The following ALDH1A2 variants were observed in gnomAD, a reference collection of about 807,000 sequenced individuals.
The protein encoded by ALDH1A2 is retinal dehydrogenase 2.
ALDH1A2 carries 27 observed loss-of-function variants against 60.3 expected under a neutral mutation model. That is an observed-to-expected ratio of 0.45 (90% CI 0.33 to 0.62). The LOEUF (loss-of-function observed/expected upper bound fraction) is 0.62. Among genes scored for constraint, ALDH1A2 ranks in the 20% least tolerant of loss-of-function variants. The probability of loss-of-function intolerance (pLI) is 0.02; values close to 1 mark genes in which losing one functional copy is unlikely to be tolerated. For missense variants in ALDH1A2, 581 were observed against 643.8 expected (o/e 0.90, Z 1.06); for synonymous variants, 289 against 232.4 (o/e 1.24, Z -2.21).
intron 7 of ALDH1A2, among the ~76,000 whole-genome samples, chr15:57,979,486 A>C (rs1894403015): frequency 1.3e-5 from 2 of 151,836 alleles, no homozygotes; most frequent in Admixed American, 1.3e-4. Context: ...CTCACCATAC[A>C]CATATTGGGA....
intron 1 of ALDH1A2, among the ~76,000 whole-genome samples, chr15:58,056,708 A>T (rs1384319111): frequency 1.3e-5 from 2 of 152,184 alleles, no homozygotes; most frequent in Non-Finnish European, 2.9e-5. Context: ...ACAAATCAGT[A>T]AATACACAAC....
intron 4 of ALDH1A2, among the ~76,000 whole-genome samples, chr15:58,010,288 A>G (rs1229622391): frequency 6.6e-6 from 1 of 152,114 alleles, no homozygotes; most frequent in Admixed American, 6.6e-5. Flanking sequence ...GAGGGCAAGG[A>G]GCAAGTCTTA....
At chr15:58,050,561 C>T (rs1242175721) in intron 1 of ALDH1A2, among the ~76,000 whole-genome samples, 2 of 152,038 alleles carry the variant, frequency 1.3e-5, no homozygotes, top group Admixed American at 6.6e-5. Flanking sequence ...TGTATGTGTT[C>T]CAAGAATGGT....
intron 1 of ALDH1A2, among the ~76,000 whole-genome samples, chr15:58,027,114 C>T (rs1433995825): frequency 9.9e-5 from 15 of 152,168 alleles, no homozygotes; most frequent in Non-Finnish European, 4.4e-5. Context: ...GACTGGGAGA[C>T]CCTCCCAGTA....
chr15:57,984,732 T>C (rs1894639170), intron 7 of ALDH1A2, among the ~76,000 whole-genome samples: 1 of 152,234 alleles, frequency 6.6e-6, no homozygotes. Flanking sequence ...ATTGTATGGA[T>C]AGACCACTTT....
At chr15:57,996,784 C>CT (rs1566942838) in intron 4 of ALDH1A2, among the ~76,000 whole-genome samples, 3 of 152,118 alleles carry the variant, frequency 2.0e-5, no homozygotes, top group South Asian at 2.1e-4. Flanking sequence ...ATTTCAACAA[C>CT]ACGCTATTTT....
chr15:58,022,773 T>C (rs1443503362), intron 1 of ALDH1A2, among the ~76,000 whole-genome samples: 1 of 152,050 alleles, frequency 6.6e-6, no homozygotes, highest in Non-Finnish European at 1.5e-5. Flanking sequence ...AAAGAAATCA[T>C]ATAGAGACTA....
At chr15:57,986,222 A>T (rs924275807) in intron 7 of ALDH1A2, among the ~76,000 whole-genome samples, 3 of 152,164 alleles carry the variant, frequency 2.0e-5, no homozygotes, top group Non-Finnish European at 2.9e-5. Flanking sequence ...GAATCTAGAG[A>T]AAAGGAAATC....
chr15:57,975,135 C>G (rs1441817), intron 7 of ALDH1A2, among the ~76,000 whole-genome samples: 126,950 of 152,246 alleles, frequency 0.83, 55,889 homozygotes, highest in East Asian at 1. Context: ...ATGGTATAAC[C>G]GATTTGGAAA....
At chr15:58,048,232 T>C (rs1354664703) in intron 1 of ALDH1A2, among the ~76,000 whole-genome samples, 2 of 152,088 alleles carry the variant, frequency 1.3e-5, no homozygotes, top group Non-Finnish European at 2.9e-5. Flanking sequence ...TAGAAAGTGA[T>C]TGTGCCAGAG....
At chr15:57,955,706 A>G (rs1893499391) in intron 12 of ALDH1A2, among the ~76,000 whole-genome samples, 1 of 149,646 alleles carries the variant, frequency 6.7e-6, no homozygotes, top group Non-Finnish European at 1.5e-5. Flanking sequence ...TCCACAAGGC[A>G]GCACTGGTTC....
intron 7 of ALDH1A2, among the ~76,000 whole-genome samples, chr15:57,983,885 A>G (rs1367068722): frequency 4.6e-5 from 7 of 152,354 alleles, no homozygotes; most frequent in East Asian, 3.9e-4. Flanking sequence ...TTCATGTCCT[A>G]TATCAGACAG....
At chr15:57,975,475 T>C (rs1324403420) in intron 7 of ALDH1A2, among the ~76,000 whole-genome samples, 7 of 152,238 alleles carry the variant, frequency 4.6e-5, no homozygotes, top group African/African-American at 1.2e-4. Context: ...ATTTGCATTA[T>C]ACTTACCAGT....
chr15:58,033,013 C>T (rs969702191), intron 1 of ALDH1A2, among the ~76,000 whole-genome samples: 1 of 151,814 alleles, frequency 6.6e-6, no homozygotes, highest in Non-Finnish European at 1.5e-5. Flanking sequence ...GACACTGGGA[C>T]AGGTGAGTGG....
At chr15:58,050,241 A>G (rs1456327158) in intron 1 of ALDH1A2, among the ~76,000 whole-genome samples, 1 of 152,050 alleles carries the variant, frequency 6.6e-6, no homozygotes, top group Non-Finnish European at 1.5e-5. Flanking sequence ...ATTCCAGTGT[A>G]CCAGTTTTAA....
At chr15:58,016,892 AT>A (rs1182313358) in intron 1 of ALDH1A2, among the ~76,000 whole-genome samples, 10 of 152,218 alleles carry the variant, frequency 6.6e-5, no homozygotes, top group Admixed American at 6.5e-4. Flanking sequence ...TCTTTGCCAT[AT>A]TCTTTTCAGC....
At chr15:57,985,193 G>A (rs967223297) in intron 7 of ALDH1A2, among the ~76,000 whole-genome samples, 7 of 152,032 alleles carry the variant, frequency 4.6e-5, no homozygotes, top group African/African-American at 7.3e-5. Flanking sequence ...GACTCCCAAC[G>A]TTTCTCCCCA....
intron 7 of ALDH1A2, among the ~76,000 whole-genome samples, chr15:57,983,539 C>A (rs4646608): frequency 1.3e-5 from 2 of 152,082 alleles, no homozygotes; most frequent in African/African-American, 4.8e-5. Flanking sequence ...ATACTTTTAT[C>A]TTTGAATAAA....
At chr15:58,023,751 C>A (rs1302469734) in intron 1 of ALDH1A2, among the ~76,000 whole-genome samples, 1 of 151,710 alleles carries the variant, frequency 6.6e-6, no homozygotes, top group Non-Finnish European at 1.5e-5. Flanking sequence ...CCCAGATAAG[C>A]AAAGACTGAA....
Sources: allele counts gnomAD v4.1 joint callset (sites outside exome capture counted in the v4.1 genomes callset), GRCh38; gene constraint gnomAD v4.1.1; transcripts MANE v1.5; gene names NCBI Gene and HGNC (gene_info 2026-07-23, HGNC 2026-07-21).